ZIC4: variants seen among roughly 807,000 people sequenced by gnomAD.
The protein encoded by ZIC4 is zinc finger protein ZIC 4.
Under a neutral mutation model 28.8 loss-of-function variants are expected in ZIC4, and 15 were observed. The ratio of observed to expected loss-of-function variants is 0.52; its 90% CI spans 0.35 to 0.80. The LOEUF is 0.80. ZIC4 is among the 30% of genes least tolerant of loss of function. The probability of loss-of-function intolerance (pLI) is 0.01; values close to 1 mark genes in which losing one functional copy is unlikely to be tolerated. For synonymous variants in ZIC4, 220 were observed against 198.1 expected, an observed-to-expected ratio of 1.11 and a Z score of -0.93; for missense variants, 512 against 467.1, an observed-to-expected ratio of 1.10 and a Z score of -0.89.
intron 4 of ZIC4, 125 bp from the exon 5 acceptor site, chr3:147,388,984 A>C (rs761304755): frequency 5.1e-5 from 35 of 682,300 alleles, no homozygotes; most frequent in Non-Finnish European, 8.6e-5. Context: ...CAAAGAAAAA[A>C]GTCCTACTTC....
chr3:147,403,657 C>T (rs980912513), intron 1 of ZIC4: 4 of 205,498 alleles, frequency 1.9e-5, no homozygotes, highest in Non-Finnish European at 3.9e-5. Flanking sequence ...CGGCCCCCAC[C>T]CTCAATTTGG....
intron 2 of ZIC4, among the ~76,000 whole-genome samples, chr3:147,399,041 C>T (rs1212044497): frequency 6.6e-6 from 1 of 151,984 alleles, no homozygotes; most frequent in Admixed American, 6.6e-5. Context: ...TTCTGCTCCT[C>T]CTACAGGAAG....
intron 3 of ZIC4, chr3:147,391,639 C>A (rs969430517): frequency 6.0e-5 from 10 of 167,750 alleles, no homozygotes; most frequent in Non-Finnish European, 1.3e-4. Flanking sequence ...ATATAGTTAA[C>A]GGGGAAGCTC....
intron 4 of ZIC4, chr3:147,389,195 T>C: frequency 2.6e-6 from 1 of 384,632 alleles, no homozygotes. Flanking sequence ...ACGGATTCAC[T>C]AAAGGTGTAT....
Position 147,400,396 on chromosome 3 carries a change from T to C in ZIC4, c.70+2332A>G, listed in dbSNP as rs1018803430. Among the ~76,000 whole-genome samples the C allele has an allele frequency of 2.6e-5, 4 of 152,214 alleles. No individual in the cohort carries two copies. The East Asian group carries it at 7.7e-4, about 29-fold the overall frequency. On this transcript the variant is annotated intron_variant, in intron 2 of 4. Transcript: ENST00000383075. ...GCAAACACATCTGATTCAGCCAAAA[T>C]CCTGGAGAGTAGGCTGGCCCCATGG...
At chr3:147,405,321 T>C (rs779504398) in intron 1 of ZIC4, 457 of 1,464,654 alleles carry the variant, frequency 3.1e-4, no homozygotes, top group Non-Finnish European at 3.9e-4. Context: ...CAGCATGCAG[T>C]GGTGTGGGTC....
In ZIC4 at chr3:147,390,955, G is replaced by A. The variant is rs537155873; in HGVS notation, c.980C>T (p.Ala327Val). ...SQVASSAAVA[A>V]RTADLSE is the part of the protein sequence containing the mutation. ...CCATTCGCTCAAGTCGGCGGTACGCGCCGCCACCGCCGCCGAGGAGGCCAC... is the reference window on the plus strand; with the variant it reads ...CCATTCGCTCAAGTCGGCGGTACGCACCGCCACCGCCGCCGAGGAGGCCAC... Residue 327 changes from alanine to valine, a missense_variant, in exon 4 of 5, where the codon GCG becomes GTG. By Grantham distance (64) the Ala-to-Val change is moderately conservative. Around this residue, in one of 3 missense-constraint regions of ZIC4, gnomAD observed 144 missense variants for 116.8 expected, o/e 1.23. Coordinates refer to ENST00000383075, the MANE Select transcript of ZIC4 (RefSeq NM_032153.6). The A allele has an allele frequency of 1.2e-5, 19 of 1,610,882 alleles. No homozygotes were observed. The highest frequency in any genetic ancestry group is 2.2e-5 in the East Asian group (1 of 44,814).
chr3:147,396,519 C>A lies in ZIC4; in HGVS notation c.71-50G>T, dbSNP rs774181953. Reference sequence around the variant, plus strand: ...ATGAGAACGGGTGGCGTGGGCTGCGCGCTCTTCCCTGGGCCCCGGGGGGCA... The same window carrying A: ...ATGAGAACGGGTGGCGTGGGCTGCGAGCTCTTCCCTGGGCCCCGGGGGGCA... On this transcript the variant is annotated intron_variant, in intron 2 of 4. Transcript: ENST00000383075. The surrounding 1 kb of genome is among the most constrained non-coding windows in gnomAD (Gnocchi z 4.2). 1.5e-5 allele frequency: 23 copies of A among 1,487,512 alleles called. No individual in the cohort carries two copies. Among genetic ancestry groups the A allele is most frequent in the Non-Finnish European group, 2.0e-5 (22 of 1,127,608 alleles). 92.1% of individuals were successfully genotyped at this position (1,487,512 alleles called of 1,614,324 possible).
At chr3:147,394,133 TCTCTCTCTCA>T (rs1021248922) in intron 3 of ZIC4, among the ~76,000 whole-genome samples, 4 of 151,840 alleles carry the variant, frequency 2.6e-5, no homozygotes, top group African/African-American at 7.3e-5. Flanking sequence ...TCTCTCTCTC[TCTCTCTCTCA>T]CTCTCTCTCT....
intron 3 of ZIC4, chr3:147,394,076 T>G: frequency 2.4e-6 from 1 of 422,934 alleles, no homozygotes; most frequent in Non-Finnish European, 4.7e-6. Flanking sequence ...CATGAATAAT[T>G]TGTAGTGAGG....
chr3:147,404,185 CT>C, intron 1 of ZIC4: 1 of 1,492,832 alleles, frequency 6.7e-7, no homozygotes, highest in Non-Finnish European at 8.9e-7. Flanking sequence ...AGAATTTACT[CT>C]TTTGCTTCTG....
chr3:147,402,764 G>T lies in ZIC4; in HGVS notation c.34C>A (p.Arg12=). The T allele has an allele frequency of 6.2e-7, 1 of 1,613,674 alleles. No individual in the cohort carries two copies. Among genetic ancestry groups the T allele is most frequent in the Non-Finnish European group, 8.5e-7 (1 of 1,179,882 alleles). The change falls in exon 2 of 5, where the codon CGA becomes AGA. Residue 12 remains arginine (R), a synonymous_variant. Coordinates refer to ENST00000383075, the MANE Select transcript of ZIC4 (RefSeq NM_032153.6). ...RYKTSLVMRK[R]LRLYRNTLKE... ...AGAGTGTTTCGGTAAAGCCGTAATC[G>T]TTTCCTCATCACCAAGGATGTCTTG...
chr3:147,390,429 G>C (rs1222417344), intron 4 of ZIC4, among the ~76,000 whole-genome samples: 3 of 151,996 alleles, frequency 2.0e-5, no homozygotes, highest in Non-Finnish European at 2.9e-5. Context: ...GGGTGGGAGC[G>C]GCCCAGTCCT....
At position 147,392,492 on chromosome 3, in the gene ZIC4, G is replaced by C. The variant is rs1348391820; in HGVS notation, c.689-1246C>G. On this transcript the variant is annotated intron_variant, in intron 3 of 4. Transcript: ENST00000383075. ...GAACCCGGAAGCCTAGATTCCTGCC[G>C]GAGCTGCAAGTGCTGCGGAAATGGG... The C allele has an allele frequency of 1.1e-5, 11 of 959,366 alleles. No homozygotes were observed. In the Admixed American group the frequency reaches 6.2e-4, roughly 54 times the overall value. The allele number at this position is 959,366 out of a possible 1,614,324, so 59.4% of individuals were successfully genotyped here.
rs1386181812 is a variant in ZIC4 at position 147,405,434 on chromosome 3, C to T, written c.-16+929G>A. 2.0e-6 allele frequency: 3 copies of T among 1,537,244 alleles called. No individual in the cohort carries two copies. In the South Asian group the frequency reaches 3.6e-5, roughly 18 times the overall value. ...GGCCGAAGTGCAACCCTCCAAAAGC[C>T]CCTCCGCTTTCCTAAGACTTTGACA... On this transcript the variant is annotated intron_variant, in intron 1 of 4. Coordinates refer to ENST00000383075, the MANE Select transcript of ZIC4 (RefSeq NM_032153.6).
Position 147,391,170 on chromosome 3 carries a change from C to T in ZIC4, c.765G>A (p.Ser255=), listed in dbSNP as rs369536221. 8.1e-6 allele frequency: 13 copies of T among 1,610,142 alleles called. No individual in the cohort carries two copies. In the African/African-American group the frequency reaches 1.6e-4, roughly 20 times the overall value. The change falls in exon 4 of 5, where the codon TCG becomes TCA. Residue 255 remains serine, a synonymous_variant. Coordinates refer to ENST00000383075, the MANE Select transcript of ZIC4 (RefSeq NM_032153.6). ...FANSSDRKKH[S]HVHTSDKPYT... is the part of the protein sequence containing the mutation. ...ATGGCTTGTCGCTAGTGTGCACGTGCGAATGCTTCTTACGGTCGCTGCTGT... is the reference window on the plus strand; with the variant it reads ...ATGGCTTGTCGCTAGTGTGCACGTGTGAATGCTTCTTACGGTCGCTGCTGT...
At chr3:147,404,417 AG>A (rs2087231968) in intron 1 of ZIC4, 5 of 509,786 alleles carry the variant, frequency 9.8e-6, no homozygotes, top group Non-Finnish European at 1.3e-5. Flanking sequence ...CAGCCTACAC[AG>A]GGAACTAGGG....
Position 147,396,443 on chromosome 3 carries a change from G to A in ZIC4, c.97C>T (p.Gln33Ter). The part of the protein sequence containing the change: ...SSSSSGHHGP[Q>*]LTAASSPSVF... ...GAGGGGCTGGAGGCGGCGGTGAGCT[G>A]GGGGCCATGGTGTCCAGAGCTGCTA... Residue 33 changes from glutamine to a stop codon, truncating the protein, a stop_gained, in exon 3 of 5, where the codon CAG becomes TAG. Transcript: ENST00000383075. LOFTEE classifies it high-confidence loss of function. The surrounding 1 kb of genome is among the most constrained non-coding windows in gnomAD (Gnocchi z 4.2). The A allele has an allele frequency of 1.3e-6, 2 of 1,519,794 alleles. No homozygotes were observed. The highest frequency in any genetic ancestry group is 1.8e-6 in the Non-Finnish European group (2 of 1,137,972). 94.1% of individuals were successfully genotyped at this position (1,519,794 alleles called of 1,614,324 possible).
chr3:147,404,000 T>C, intron 1 of ZIC4: 1 of 1,537,146 alleles, frequency 6.5e-7, no homozygotes, highest in Non-Finnish European at 8.7e-7. Flanking sequence ...CAATTCTTTC[T>C]AACCAAAAGG....
Sources: allele counts gnomAD v4.1 joint callset (sites outside exome capture counted in the v4.1 genomes callset), GRCh38; gene constraint gnomAD v4.1.1; regional missense constraint gnomAD v4.1.1; non-coding constraint Gnocchi (gnomAD v3.1); transcripts MANE v1.5; gene names NCBI Gene and HGNC (gene_info 2026-07-23, HGNC 2026-07-21).